C16orf96: variants seen among roughly 807,000 people sequenced by gnomAD.
C16orf96 encodes the protein uncharacterized protein C16orf96.
A neutral mutation model predicts 103.6 loss-of-function variants in C16orf96; 108 were observed. The ratio of observed to expected loss-of-function variants is 1.04; its 90% CI spans 0.89 to 1.22. The LOEUF (loss-of-function observed/expected upper bound fraction) is 1.22. C16orf96 is among the 50% of genes most tolerant of loss of function. The probability of loss-of-function intolerance (pLI) is 0.00; values close to 1 mark genes in which losing one functional copy is unlikely to be tolerated. For missense variants in C16orf96, 1,586 were observed against 1,464.2 expected (o/e 1.08, Z -1.36); for synonymous variants, 566 against 593.5 (o/e 0.95, Z 0.67).
At chr16:4,544,296 G>A in the C16orf96 span, among the ~76,000 whole-genome samples, 1 of 152,038 alleles carries the variant, frequency 6.6e-6, no homozygotes, top group Non-Finnish European at 1.5e-5. Flanking sequence ...ACCACTTCAC[G>A]GCCCTCTCCA....
intron 1 of C16orf96, among the ~76,000 whole-genome samples, chr16:4,568,910 G>A (rs1473093527): frequency 1.3e-5 from 2 of 152,038 alleles, no homozygotes; most frequent in Non-Finnish European, 2.9e-5. Context: ...GATTACAGAT[G>A]TGAGCCACTG....
At position 4,594,394 on chromosome 16, in the gene C16orf96, G is replaced by A. The variant is rs763306043; in HGVS notation, c.2911G>A (p.Asp971Asn). 2.6e-6 allele frequency: 4 copies of A among 1,549,558 alleles called. No homozygotes were observed. The South Asian group carries it at 3.6e-5, about 14-fold the overall frequency. Residue 971 changes from aspartate (D) to asparagine (N), a missense_variant, in exon 13 of 16, where the codon GAT (aspartate) becomes AAT (asparagine). Asp to Asn is a conservative substitution (Grantham distance 23, BLOSUM62 1). Transcript: ENST00000444310. The stretch of plus-strand genomic sequence containing the variant: ...GCTCCAGGACCTCGGTATCCAGGAG[G>A]ATTGTCAGCAGGACTGGGGTGATGG... The part of the protein sequence containing the change: ...LQLQDLGIQE[D>N]CQQDWGDGPQ...
In C16orf96 at chr16:4,575,590, T is replaced by C; in HGVS notation, c.1110T>C (p.Leu370=). ...CCTTGCCAGCACCTTGGCCTGTGCT[T>C]GGACCTGTGCCTGCCCCAGGTGCCC... ...PGSLPAPWPV[L]GPVPAPGAQP... Residue 370 remains leucine (L), a synonymous_variant, in exon 5 of 16, where the codon CTT becomes CTC. Coordinates refer to ENST00000444310, the MANE Select transcript of C16orf96 (RefSeq NM_001145011.2). The C allele has an allele frequency of 6.6e-7, 1 of 1,518,990 alleles. No homozygotes were observed. Among genetic ancestry groups the C allele is most frequent in the Non-Finnish European group, 8.8e-7 (1 of 1,133,472 alleles). The allele number at this position is 1,518,990 out of a possible 1,614,324, so 94.1% of individuals were successfully genotyped here. A position where few individuals can be genotyped will look rare whatever the true frequency, so the allele number is the denominator to read the frequency against.
At chr16:4,577,597 G>A (rs1459851980) in intron 5 of C16orf96, among the ~76,000 whole-genome samples, 1 of 151,284 alleles carries the variant, frequency 6.6e-6, no homozygotes, top group Admixed American at 6.6e-5. Context: ...CTTGCAGTGA[G>A]CCGAGATCGT....
chr16:4,574,790 G>T lies in C16orf96; in HGVS notation c.606+1G>T. On this transcript the variant is annotated splice_donor_variant, in intron 3 of 15. Coordinates refer to ENST00000444310, the MANE Select transcript of C16orf96 (RefSeq NM_001145011.2). LOFTEE classifies it high-confidence loss of function. ...GATGGTTGCACTGCAGCGGGAAGTG[G>T]TGAGGGCCACCATCCCTGTCTTCCC... 1 of 1,551,416 alleles carries T rather than the reference G, an allele frequency of 6.4e-7. No individual in the cohort carries two copies. Among genetic ancestry groups the T allele is most frequent in the South Asian group, 1.2e-5 (1 of 84,058 alleles).
In C16orf96 at chr16:4,562,993, T is replaced by G. The variant is rs537871279; in HGVS notation, c.420+6084T>G. On this transcript the variant is annotated intron_variant, in intron 1 of 15. Transcript: ENST00000444310. ...TCTTGAACGCCAACGTACCTCATTT[T>G]CCCAATCTGAAACATGTTACCATCT... is the stretch of plus-strand genomic sequence containing the variant. 4.2e-6 allele frequency: 5 copies of G among 1,179,614 alleles called. No individual in the cohort carries two copies. In the African/African-American group the frequency reaches 7.6e-5, roughly 18 times the overall value. 73.1% of individuals were successfully genotyped at this position (1,179,614 alleles called of 1,614,324 possible).
Position 4,579,030 on chromosome 16 carries a change from G to T in C16orf96, c.2241+5G>T, listed in dbSNP as rs1239958217. 6.4e-7 allele frequency: 1 copy of T among 1,551,178 alleles called. No homozygotes were observed. The highest frequency in any genetic ancestry group is 2.0e-5 in the Admixed American group (1 of 50,980). On this transcript the variant is annotated splice_donor_5th_base_variant and intron_variant, in intron 6 of 15. Transcript: ENST00000444310. ...CTCCAGAAATCTAGGCTCAAGGTTAGTGTCTCCGGCGAAGGGCTTTTGAGG... is the reference window on the plus strand; with the variant it reads ...CTCCAGAAATCTAGGCTCAAGGTTATTGTCTCCGGCGAAGGGCTTTTGAGG...
At chr16:4,548,177 A>G in the C16orf96 span, among the ~76,000 whole-genome samples, 2 of 152,148 alleles carry the variant, frequency 1.3e-5, no homozygotes, top group African/African-American at 4.8e-5. Flanking sequence ...AGACAGGACG[A>G]TGTTCCTCAT....
At chr16:4,578,422 C>A (rs989200690) in intron 5 of C16orf96, among the ~76,000 whole-genome samples, 1 of 151,910 alleles carries the variant, frequency 6.6e-6, no homozygotes, top group South Asian at 2.1e-4. Flanking sequence ...GGAGTACAGG[C>A]GTGAGCCACT....
the C16orf96 span, among the ~76,000 whole-genome samples, chr16:4,544,707 A>T: frequency 2.5e-4 from 38 of 152,310 alleles, no homozygotes; most frequent in African/African-American, 8.7e-4. Context: ...TAATGCATTT[A>T]GGTCACTGCT....
At chr16:4,548,598 C>T in the C16orf96 span, among the ~76,000 whole-genome samples, 2 of 152,198 alleles carry the variant, frequency 1.3e-5, no homozygotes, top group African/African-American at 2.4e-5. Context: ...CTCAGCTGGG[C>T]GTGGTGGCTC....
At chr16:4,586,971 G>C in intron 7 of C16orf96, 68 bp from the exon 8 acceptor site, 1 of 1,386,832 alleles carries the variant, frequency 7.2e-7, no homozygotes. Context: ...AATGGTAGAG[G>C]TGGGAGGTTG....
At chr16:4,539,560 C>G in the C16orf96 span, among the ~76,000 whole-genome samples, 1 of 152,220 alleles carries the variant, frequency 6.6e-6, no homozygotes, top group South Asian at 2.1e-4. Context: ...TGGCACGCAC[C>G]TGTAATCCCA....
At chr16:4,584,251 A>C (rs2141741456) in intron 7 of C16orf96, among the ~76,000 whole-genome samples, 1 of 146,770 alleles carries the variant, frequency 6.8e-6, no homozygotes, top group East Asian at 2.1e-4. Context: ...GTAGTGGCCT[A>C]ATCATGGCTC....
At chr16:4,556,974 T>A (rs540845528) in intron 1 of C16orf96, 65 bp downstream of exon 1, 1 of 1,408,932 alleles carries the variant, frequency 7.1e-7, no homozygotes, top group African/African-American at 1.5e-5. Context: ...CTGGGACGTC[T>A]TTTTTTTGTT....
At chr16:4,564,345 C>CA (rs2059364938) in intron 1 of C16orf96, among the ~76,000 whole-genome samples, 1 of 152,096 alleles carries the variant, frequency 6.6e-6, no homozygotes, top group Non-Finnish European at 1.5e-5. Flanking sequence ...CAGGTGATGC[C>CA]ATCTGCATGC....
chr16:4,555,405 G>A (rs1306066296), upstream of C16orf96, among the ~76,000 whole-genome samples: 1 of 150,848 alleles, frequency 6.6e-6, no homozygotes, highest in African/African-American at 2.4e-5. Context: ...ACGGAGTCTC[G>A]CTCTGTCGCC....
At position 4,593,162 on chromosome 16, in the gene C16orf96, C is replaced by G. The variant is rs566576248; in HGVS notation, c.2775-62C>G. ...GAAGGCTTCCTGGAGGGGTGGGAGACGAGCCCTCTGCTGGCCTAGCACGCC... is the reference window on the plus strand; with the variant it reads ...GAAGGCTTCCTGGAGGGGTGGGAGAGGAGCCCTCTGCTGGCCTAGCACGCC... On this transcript the variant is annotated intron_variant, in intron 11 of 15. Transcript: ENST00000444310. This position sits in a 1 kb window ranked among gnomAD's most constrained non-coding sequence, Gnocchi z 4.2. The G allele has an allele frequency of 1.6e-5, 23 of 1,471,348 alleles. No individual in the cohort carries two copies. The East Asian group carries it at 4.5e-4, about 29-fold the overall frequency. 91.1% of individuals were successfully genotyped at this position (1,471,348 alleles called of 1,614,324 possible).
chr16:4,577,084 G>A (rs1181120621), intron 5 of C16orf96, among the ~76,000 whole-genome samples: 4 of 151,940 alleles, frequency 2.6e-5, no homozygotes, highest in East Asian at 1.9e-4. Flanking sequence ...CCAGCTACTC[G>A]GGAGGCTGTG....
Sources: gnomAD v4.1 joint callset for allele counts (sites outside exome capture counted in the v4.1 genomes callset) on GRCh38, gnomAD v4.1.1 for gene constraint, Gnocchi (gnomAD v3.1) non-coding constraint, MANE v1.5 for transcripts, NCBI Gene and HGNC (gene_info 2026-07-23, HGNC 2026-07-21) for gene names.